Variants in LRRC4C observed in about 807,000 individuals in gnomAD.
LRRC4C encodes leucine rich repeat containing 4C, also known as leucine-rich repeat-containing protein 4C.
In LRRC4C, 5 loss-of-function variants were observed where a neutral mutation model predicts 33.6. The observed-to-expected ratio is 0.15, with a 90% CI of 0.08 to 0.31. The LOEUF (loss-of-function observed/expected upper bound fraction) is 0.31. LRRC4C is among the 10% of genes least tolerant of loss of function. The pLI, the probability that LRRC4C is intolerant of heterozygous loss-of-function variation, is 1.00. For synonymous variants in LRRC4C, 329 were observed against 302.0 expected, an observed-to-expected ratio of 1.09 and a Z score of -0.93; for missense variants, 560 against 796.7, an observed-to-expected ratio of 0.70 and a Z score of 3.58.
intron 3 of LRRC4C, among the ~76,000 whole-genome samples, chr11:40,386,076 A>ATAAT (rs141625644): frequency 0.39 from 58,114 of 150,396 alleles, 11,394 homozygotes; most frequent in East Asian, 0.48. Context: ...ATGAAATATA[A>ATAAT]TAAATTAAAA....
chr11:41,216,150 T>C (rs1006130157), intron 1 of LRRC4C, among the ~76,000 whole-genome samples: 2 of 152,214 alleles, frequency 1.3e-5, no homozygotes, highest in African/African-American at 2.4e-5. Flanking sequence ...GACTTAGTCC[T>C]TGCAACTGTT....
chr11:40,674,306 T>C (rs1854764914), intron 2 of LRRC4C, among the ~76,000 whole-genome samples: 1 of 152,220 alleles, frequency 6.6e-6, no homozygotes, highest in Admixed American at 6.5e-5. Context: ...TCCGTTCCAG[T>C]CAATGTGACC....
At chr11:40,535,828 T>C (rs1956448704) in intron 3 of LRRC4C, among the ~76,000 whole-genome samples, 1 of 152,164 alleles carries the variant, frequency 6.6e-6, no homozygotes. Flanking sequence ...TTGAAAACTT[T>C]TGTACATTTT....
intron 2 of LRRC4C, among the ~76,000 whole-genome samples, chr11:40,725,638 C>A (rs1362605340): frequency 2.0e-5 from 3 of 152,002 alleles, no homozygotes; most frequent in South Asian, 2.1e-4. Context: ...AAAAATCATA[C>A]CTTGGGTGGA....
In LRRC4C at chr11:41,198,376, A is replaced by C. The variant is rs570888524; in HGVS notation, c.-496+261055T>G. On this transcript the variant is annotated intron_variant, in intron 1 of 6. Coordinates refer to ENST00000528697, the MANE Select transcript of LRRC4C (RefSeq NM_001258419.2). Reference sequence around the variant, plus strand: ...CATAATTCTAGGTATAAATAAAATTATCTCCTTTTTTCAGAAAGTGAAAGT... The same window carrying C: ...CATAATTCTAGGTATAAATAAAATTCTCTCCTTTTTTCAGAAAGTGAAAGT... Among the ~76,000 whole-genome samples the C allele has an allele frequency of 1.2e-3, 184 of 152,206 alleles. 1 individual carries two copies. The highest frequency in any genetic ancestry group is 4.3e-3 in the African/African-American group (179 of 41,570).
intron 2 of LRRC4C, among the ~76,000 whole-genome samples, chr11:40,664,496 G>A (rs1343181368): frequency 6.6e-6 from 1 of 150,418 alleles, no homozygotes; most frequent in Non-Finnish European, 1.5e-5. Context: ...AGTGAGCCGA[G>A]ATCACACCAC....
chr11:41,240,397 G>T (rs1296306263), intron 1 of LRRC4C, among the ~76,000 whole-genome samples: 1 of 152,052 alleles, frequency 6.6e-6, no homozygotes, highest in South Asian at 2.1e-4. Flanking sequence ...AAGATCAATT[G>T]AATTAAAAAC....
intron 3 of LRRC4C, among the ~76,000 whole-genome samples, chr11:40,548,784 T>A (rs1242263922): frequency 6.6e-6 from 1 of 152,130 alleles, no homozygotes; most frequent in African/African-American, 2.4e-5. Context: ...ATTTGCATTT[T>A]ACAACAACCC....
At chr11:40,682,625 A>T (rs370557085) in intron 2 of LRRC4C, among the ~76,000 whole-genome samples, 43 of 152,014 alleles carry the variant, frequency 2.8e-4, no homozygotes, top group African/African-American at 1.0e-3. Context: ...AAAATACAAA[A>T]ATTAGCAGCT....
intron 2 of LRRC4C, among the ~76,000 whole-genome samples, chr11:40,807,800 T>C (rs1951317500): frequency 6.6e-6 from 1 of 152,202 alleles, no homozygotes; most frequent in South Asian, 2.1e-4. Flanking sequence ...TCTAATTGTA[T>C]GGGATCTTAA....
chr11:41,043,247 GAC>G (rs1857558773), intron 1 of LRRC4C, among the ~76,000 whole-genome samples: 1 of 151,890 alleles, frequency 6.6e-6, no homozygotes, highest in Non-Finnish European at 1.5e-5. Context: ...GATAGGATGA[GAC>G]AGTCAAATCC....
intron 1 of LRRC4C, among the ~76,000 whole-genome samples, chr11:40,971,869 T>C (rs2136997983): frequency 6.6e-6 from 1 of 152,278 alleles, no homozygotes; most frequent in Non-Finnish European, 1.5e-5. Flanking sequence ...ATTTTGAAGC[T>C]TTCAGATTTA....
intron 2 of LRRC4C, among the ~76,000 whole-genome samples, chr11:40,667,311 T>C (rs1054314689): frequency 6.6e-6 from 1 of 152,154 alleles, no homozygotes; most frequent in African/African-American, 2.4e-5. Flanking sequence ...ATATGAATGA[T>C]TTTCCTTTTA....
chr11:41,221,648 C>A (rs1378150577), intron 1 of LRRC4C, among the ~76,000 whole-genome samples: 1 of 152,054 alleles, frequency 6.6e-6, no homozygotes, highest in Admixed American at 6.6e-5. Flanking sequence ...ATGGAATCAA[C>A]CTAAATGCCC....
At chr11:40,594,570 T>C (rs1208090710) in intron 3 of LRRC4C, among the ~76,000 whole-genome samples, 1 of 152,210 alleles carries the variant, frequency 6.6e-6, no homozygotes, top group African/African-American at 2.4e-5. Flanking sequence ...TTATATGTTG[T>C]ATCTTATTGA....
At chr11:41,267,812 C>G (rs887481372) in intron 1 of LRRC4C, among the ~76,000 whole-genome samples, 3 of 152,042 alleles carry the variant, frequency 2.0e-5, no homozygotes, top group Non-Finnish European at 1.5e-5. Flanking sequence ...CCACCATCAT[C>G]GAACCGTAAG....
chr11:40,234,738 T>C (rs1178127090), intron 5 of LRRC4C, among the ~76,000 whole-genome samples: 1 of 152,202 alleles, frequency 6.6e-6, no homozygotes, highest in African/African-American at 2.4e-5. Context: ...GCCACTGCAC[T>C]CCAGCCTGGC....
chr11:40,356,559 A>AGGG (rs1309491354), intron 3 of LRRC4C, among the ~76,000 whole-genome samples: 1 of 152,142 alleles, frequency 6.6e-6, no homozygotes, highest in Non-Finnish European at 1.5e-5. Flanking sequence ...TTAGACAATA[A>AGGG]GGGGGTCTTG....
intron 1 of LRRC4C, among the ~76,000 whole-genome samples, chr11:41,443,089 A>ATTTTTTTTTTTTTTTTTTTTTTCTTTCTT: frequency 1.1e-4 from 12 of 105,988 alleles, no homozygotes; most frequent in Non-Finnish European, 2.0e-4. Flanking sequence ...TGTTTGCTTC[A>ATTTTTTTTTTTTTTTTTTTTTTCTTTCTT]TTTTTTTTTT....
Sources: allele counts gnomAD v4.1 joint callset (sites outside exome capture counted in the v4.1 genomes callset), GRCh38; gene constraint gnomAD v4.1.1; transcripts MANE v1.5; gene names NCBI Gene and HGNC (gene_info 2026-07-23, HGNC 2026-07-21).